LARS1: variants seen among roughly 807,000 people sequenced by gnomAD.
LARS1 encodes leucine--tRNA ligase, cytoplasmic.
LARS1 carries 100 observed loss-of-function variants against 162.8 expected under a neutral mutation model. That is an observed-to-expected ratio of 0.61 (90% CI 0.52 to 0.73). The LOEUF is 0.73. Among genes scored for constraint, LARS1 ranks in the 30% least tolerant of loss-of-function variants. The pLI, the probability that LARS1 is intolerant of heterozygous loss-of-function variation, is 0.00. For synonymous variants in LARS1, 457 were observed against 462.8 expected (o/e 0.99, Z 0.16); for missense variants, 1,258 against 1,408.9 (o/e 0.89, Z 1.71).
chr5:146,142,712 G>A (rs1752838092), intron 20 of LARS1, 160 bp downstream of exon 20: 3 of 580,562 alleles, frequency 5.2e-6, no homozygotes, highest in Non-Finnish European at 9.0e-6. Flanking sequence ...TAAGAGATAG[G>A]AGGTGGCCTT....
At chr5:146,177,702 C>T (rs780064279) in intron 1 of LARS1, 37 bp from the exon 2 acceptor site, 2 of 1,103,266 alleles carry the variant, frequency 1.8e-6, no homozygotes, top group South Asian at 1.3e-5. Flanking sequence ...CTCTGTATTT[C>T]AGCACGCTTG....
intron 1 of LARS1, 34 bp from the exon 2 acceptor site, chr5:146,177,699 T>C (rs1471065159): frequency 1.8e-6 from 2 of 1,129,790 alleles, no homozygotes; most frequent in East Asian, 5.2e-5. Context: ...CCACTCTGTA[T>C]TTCAGCACGC....
chr5:146,133,167 CA>C, intron 22 of LARS1, 86 bp from the exon 23 acceptor site: 1 of 1,109,508 alleles, frequency 9.0e-7, no homozygotes, highest in Non-Finnish European at 1.3e-6. Context: ...GGATACCTTG[CA>C]AAGCCCATAT....
rs77469247 is a variant in LARS1 at position 146,154,242 on chromosome 5, T to C, written c.1066-262A>G. ...GTGTAGAGGCTATTCACAGGTGCTA[T>C]CATAGCATTCTACAGGCTCAAGCTC... On this transcript the variant is annotated intron_variant, in intron 10 of 31. Coordinates refer to ENST00000394434, the MANE Select transcript of LARS1 (RefSeq NM_020117.11). 6.4e-3 allele frequency among the ~76,000 whole-genome samples: 976 copies of C among 152,236 alleles called. 11 individuals are homozygous for C. Among genetic ancestry groups the C allele is most frequent in the African/African-American group, 0.023 (938 of 41,550 alleles).
intron 20 of LARS1, 169 bp downstream of exon 20, chr5:146,142,702 TA>T (rs576320514): frequency 1.8e-4 from 101 of 561,630 alleles, no homozygotes; most frequent in African/African-American, 1.8e-3. Context: ...TTTCTGGATG[TA>T]AGAGATAGGA....
At chr5:146,145,962 C>T (rs573252126) in intron 15 of LARS1, among the ~76,000 whole-genome samples, 1 of 152,236 alleles carries the variant, frequency 6.6e-6, no homozygotes, top group Admixed American at 6.5e-5. Flanking sequence ...CTATCTGAAT[C>T]CTAATAGAAA....
At chr5:146,149,215 T>C (rs1753158924) in intron 15 of LARS1, among the ~76,000 whole-genome samples, 1 of 152,192 alleles carries the variant, frequency 6.6e-6, no homozygotes, top group Admixed American at 6.5e-5. Flanking sequence ...TTGTCTCTCA[T>C]AGTATTATGG....
intron 4 of LARS1, among the ~76,000 whole-genome samples, chr5:146,170,200 G>A (rs35262581): frequency 6.6e-6 from 1 of 151,988 alleles, no homozygotes; most frequent in Non-Finnish European, 1.5e-5. Flanking sequence ...GGCATAGTGG[G>A]TCAAGCCTGT....
At position 146,159,425 on chromosome 5, in the gene LARS1, A is replaced by C. The variant is rs752811363; in HGVS notation, c.753T>G (p.His251Gln). 3 of 1,612,034 alleles carry C rather than the reference A, an allele frequency of 1.9e-6. No homozygotes were observed. The Admixed American group carries it at 5.0e-5, about 27-fold the overall frequency. ...SPKDGQPCMD[H>Q]DRQTGEGVGP... Reference sequence around the variant, plus strand: ...TAATCACCTCTCCAGTTTGTCTATCATGATCCATGCAAGGCTGTCCATCTT... The same window carrying C: ...TAATCACCTCTCCAGTTTGTCTATCCTGATCCATGCAAGGCTGTCCATCTT... The change falls in exon 8 of 32, where the codon CAT (histidine) becomes CAG (glutamine). Residue 251 changes from histidine (H) to glutamine (Q), a missense_variant. Transcript: ENST00000394434.
intron 5 of LARS1, 135 bp downstream of exon 5, chr5:146,167,993 A>T: frequency 1.3e-6 from 1 of 748,250 alleles, no homozygotes; most frequent in Non-Finnish European, 2.0e-6. Context: ...CAGAAAGATA[A>T]TTTTTTGCTT....
intron 31 of LARS1, among the ~76,000 whole-genome samples, chr5:146,115,046 GAAA>G (rs35008800): frequency 2.0e-5 from 2 of 97,626 alleles, no homozygotes; most frequent in East Asian, 3.2e-4. Flanking sequence ...CTGTCGGGGG[GAAA>G]AAAAAAAAAA....
Position 146,149,715 on chromosome 5 carries a change from G to T in LARS1, c.1426-16C>A. On this transcript the variant is annotated splice_polypyrimidine_tract_variant and intron_variant, in intron 14 of 31. Coordinates refer to ENST00000394434, the MANE Select transcript of LARS1 (RefSeq NM_020117.11). ...CCAACATGATCTAAAAGGATGAGAGGGGAGAAAAACCACATATAAAACAGT... is the reference window on the plus strand; with the variant it reads ...CCAACATGATCTAAAAGGATGAGAGTGGAGAAAAACCACATATAAAACAGT... 1 of 1,583,076 alleles carries T rather than the reference G, an allele frequency of 6.3e-7. No homozygotes were observed. Among genetic ancestry groups the T allele is most frequent in the Non-Finnish European group, 8.7e-7 (1 of 1,152,414 alleles).
chr5:146,134,391 A>T (rs1752420970), intron 22 of LARS1, among the ~76,000 whole-genome samples: 1 of 152,198 alleles, frequency 6.6e-6, no homozygotes, highest in South Asian at 2.1e-4. Context: ...TAAGAAACAG[A>T]CTAACTATAT....
intron 13 of LARS1, among the ~76,000 whole-genome samples, chr5:146,152,861 T>A (rs892625815): frequency 6.6e-6 from 1 of 152,214 alleles, no homozygotes; most frequent in Non-Finnish European, 1.5e-5. Context: ...TAAACATTCA[T>A]GAAAAGGGCA....
intron 14 of LARS1, among the ~76,000 whole-genome samples, chr5:146,150,008 ACACT>A (rs1753204653): frequency 6.6e-6 from 1 of 152,156 alleles, no homozygotes; most frequent in South Asian, 2.1e-4. Context: ...GACTTCAATT[ACACT>A]CACTCACCTC....
intron 10 of LARS1, among the ~76,000 whole-genome samples, chr5:146,156,704 AT>A (rs1349637772): frequency 1.1e-4 from 16 of 150,684 alleles, no homozygotes; most frequent in Admixed American, 7.4e-4. Context: ...AAAAAAAAAA[AT>A]AAAAATAAAA....
intron 2 of LARS1, among the ~76,000 whole-genome samples, chr5:146,173,659 A>G (rs531186316): frequency 5.2e-4 from 79 of 152,044 alleles, no homozygotes; most frequent in African/African-American, 1.9e-3. Flanking sequence ...TTTCTTATGA[A>G]GAATATCTAA....
intron 18 of LARS1, among the ~76,000 whole-genome samples, chr5:146,143,865 G>C (rs1264393609): frequency 6.6e-6 from 1 of 152,140 alleles, no homozygotes; most frequent in African/African-American, 2.4e-5. Flanking sequence ...AGCCAGGCAT[G>C]GTGGTGGGTG....
intron 10 of LARS1, among the ~76,000 whole-genome samples, chr5:146,156,649 G>A (rs968256475): frequency 2.6e-5 from 4 of 151,574 alleles, no homozygotes; most frequent in Non-Finnish European, 4.4e-5. Context: ...AGCTGAGATC[G>A]CGCCACTGAA....
Sources: gnomAD v4.1 joint callset for allele counts (sites outside exome capture counted in the v4.1 genomes callset) on GRCh38, gnomAD v4.1.1 for gene constraint, MANE v1.5 for transcripts, NCBI Gene and HGNC (gene_info 2026-07-23, HGNC 2026-07-21) for gene names.